KIF13A: variants seen among roughly 807,000 people sequenced by gnomAD.
The protein encoded by KIF13A is kinesin family member 13A.
Under a neutral mutation model 212.2 loss-of-function variants are expected in KIF13A, and 79 were observed. The ratio of observed to expected loss-of-function variants is 0.37; its 90% CI spans 0.31 to 0.45. KIF13A has a LOEUF of 0.45. Ranked by LOEUF, KIF13A falls within the 20% of genes least tolerant of loss-of-function variation. The pLI, the probability that KIF13A is intolerant of heterozygous loss-of-function variation, is 1.00. For missense variants in KIF13A, 1,901 were observed against 2,209.0 expected (o/e 0.86, Z 2.79); for synonymous variants, 789 against 808.6 (o/e 0.98, Z 0.41).
In KIF13A at chr6:17,861,230, C is replaced by A. The variant is rs564428705; in HGVS notation, c.221-5108G>T. ...ATTTTTCATTCTCCATGTATTTTTA[C>A]AAATTTACACAAGATTGGAGTCTAG... is the stretch of plus-strand genomic sequence containing the variant. On this transcript the variant is annotated intron_variant, in intron 4 of 38. Transcript: ENST00000259711. Among the ~76,000 whole-genome samples, 355 of 152,164 alleles carry A rather than the reference C, an allele frequency of 2.3e-3. 4 individuals are homozygous for A. The highest frequency in any genetic ancestry group is 7.7e-3 in the African/African-American group (321 of 41,522).
chr6:17,950,500 C>T lies in KIF13A; in HGVS notation c.146+36554G>A, dbSNP rs973571225. 4.1e-6 allele frequency: 4 copies of T among 985,140 alleles called. No individual in the cohort carries two copies. The Admixed American group carries it at 1.8e-4, about 45-fold the overall frequency. 61.0% of individuals were successfully genotyped at this position (985,140 alleles called of 1,614,324 possible). A position where few individuals can be genotyped will look rare whatever the true frequency, so the allele number is the denominator to read the frequency against. ...ATTTACCTTCTTACACTCTTTAGGACCAACAGATAGAAGAACATGTACACA... is the reference window on the plus strand; with the variant it reads ...ATTTACCTTCTTACACTCTTTAGGATCAACAGATAGAAGAACATGTACACA... On this transcript the variant is annotated intron_variant, in intron 2 of 38. Coordinates refer to ENST00000259711, the MANE Select transcript of KIF13A (RefSeq NM_022113.6).
rs1230073093 is a variant in KIF13A, at chr6:17,883,899, G to C, written c.160-10462C>G. 1.3e-5 allele frequency among the ~76,000 whole-genome samples: 2 copies of C among 152,128 alleles called. No homozygotes were observed. Among genetic ancestry groups the C allele is most frequent in the African/African-American group, 4.8e-5 (2 of 41,426 alleles). On this transcript the variant is annotated intron_variant, in intron 3 of 38. Coordinates refer to ENST00000259711, the MANE Select transcript of KIF13A (RefSeq NM_022113.6). The surrounding 1 kb of genome is among the most constrained non-coding windows in gnomAD (Gnocchi z 4.8). ...ACCTGTGAATAGCCACTGCACTCCA[G>C]CCTGGACAACCTAGTGAGATCCCAT...
At chr6:17,986,932 C>G (rs947072582) in intron 2 of KIF13A, 122 bp downstream of exon 2, 3 of 643,338 alleles carry the variant, frequency 4.7e-6, no homozygotes, top group Non-Finnish European at 8.4e-6. Flanking sequence ...AAACAGGAGC[C>G]GGCGACAAAC....
intron 9 of KIF13A, among the ~76,000 whole-genome samples, chr6:17,842,898 C>T (rs1391171168): frequency 4.0e-5 from 6 of 151,730 alleles, no homozygotes; most frequent in African/African-American, 7.3e-5. Context: ...TAACCTGCAC[C>T]GTTTCCCCTG....
chr6:17,921,259 C>G (rs1054578354), intron 2 of KIF13A, among the ~76,000 whole-genome samples: 1 of 152,200 alleles, frequency 6.6e-6, no homozygotes, highest in Admixed American at 6.5e-5. Flanking sequence ...AGTAAATAAA[C>G]TGATTTAACT....
At position 17,952,920 on chromosome 6, in the gene KIF13A, A is replaced by T. The variant is rs1172470845; in HGVS notation, c.146+34134T>A. Among the ~76,000 whole-genome samples the T allele has an allele frequency of 9.5e-5, 9 of 94,360 alleles. No homozygotes were observed. The East Asian group carries it at 2.7e-3, about 28-fold the overall frequency. 61.9% of individuals were successfully genotyped at this position (94,360 alleles called of 152,430 possible). ...ACTCCAGCCTGGGCGACAGAGCAAG[A>T]CTGTCTCCAAAAAAAAAAAAAGAGA... On this transcript the variant is annotated intron_variant, in intron 2 of 38. Transcript: ENST00000259711.
intron 2 of KIF13A, among the ~76,000 whole-genome samples, chr6:17,907,315 C>T (rs767389555): frequency 4.6e-5 from 7 of 152,200 alleles, no homozygotes; most frequent in African/African-American, 1.4e-4. Flanking sequence ...GCACACTGTA[C>T]ACTTAACTGC....
At chr6:17,760,967 T>C (rs1581830447), downstream of KIF13A, 2 of 1,336,248 alleles carry the variant, frequency 1.5e-6, no homozygotes, top group Non-Finnish European at 2.1e-6. Context: ...TCCACACCCA[T>C]CACAAGAAAG....
At chr6:17,797,335 C>T (rs1309315607) in intron 22 of KIF13A, among the ~76,000 whole-genome samples, 8 of 152,072 alleles carry the variant, frequency 5.3e-5, no homozygotes, top group African/African-American at 9.7e-5. Context: ...GGCCTCAACC[C>T]GTTTCTTATA....
intron 31 of KIF13A, among the ~76,000 whole-genome samples, chr6:17,779,953 A>C (rs1339529669): frequency 1.3e-5 from 2 of 150,292 alleles, no homozygotes; most frequent in East Asian, 2.0e-4. Context: ...TCACCGTGTT[A>C]GCCAGGATGG....
intron 9 of KIF13A, among the ~76,000 whole-genome samples, chr6:17,845,374 A>C (rs996271253): frequency 3.3e-5 from 5 of 152,250 alleles, no homozygotes; most frequent in Admixed American, 2.6e-4. Flanking sequence ...CTATTATAAC[A>C]AATTATACTG....
At chr6:17,911,118 A>C (rs1157108933) in intron 2 of KIF13A, among the ~76,000 whole-genome samples, 2 of 152,204 alleles carry the variant, frequency 1.3e-5, no homozygotes, top group African/African-American at 4.8e-5. Flanking sequence ...TGATCCCAAA[A>C]ACTCTTTTAG....
chr6:17,804,840 A>AAAAAAAAAAAAAAAAAAAAAT (rs1762802153), intron 19 of KIF13A, among the ~76,000 whole-genome samples: 1 of 143,100 alleles, frequency 7.0e-6, no homozygotes, highest in African/African-American at 2.8e-5. Context: ...AAAAAAAAAA[A>AAAAAAAAAAAAAAAAAAAAAT]AAAAAGAATT....
intron 3 of KIF13A, among the ~76,000 whole-genome samples, chr6:17,891,168 A>G (rs567820162): frequency 2.6e-5 from 4 of 152,332 alleles, no homozygotes; most frequent in Non-Finnish European, 5.9e-5. Context: ...GAAACAAAAC[A>G]CACTTCCATA....
In KIF13A at chr6:17,936,543, T is replaced by C. The variant is rs377483221; in HGVS notation, c.147-38363A>G. ...TGTATGTTTCACAGTCCCAAGCAAA[T>C]GTTTAAGAAGAAAATGGAGGCAGAG... On this transcript the variant is annotated intron_variant, in intron 2 of 38. Coordinates refer to ENST00000259711, the MANE Select transcript of KIF13A (RefSeq NM_022113.6). Among the ~76,000 whole-genome samples the C allele has an allele frequency of 5.1e-4, 77 of 152,228 alleles. 1 individual carries two copies. In the South Asian group the frequency reaches 0.015, roughly 30 times the overall value.
intron 13 of KIF13A, among the ~76,000 whole-genome samples, chr6:17,830,447 G>A (rs1020867915): frequency 6.9e-6 from 1 of 145,458 alleles, no homozygotes; most frequent in Non-Finnish European, 1.5e-5. Flanking sequence ...AAGTTCTTTG[G>A]AGTCCTTGAT....
At chr6:17,983,496 T>C (rs865960958) in intron 2 of KIF13A, among the ~76,000 whole-genome samples, 44 of 103,406 alleles carry the variant, frequency 4.3e-4, no homozygotes, top group African/African-American at 1.8e-3. Flanking sequence ...TGCTGCTGCT[T>C]TTTTTTTTTT....
At chr6:17,969,680 G>T (rs572885981) in intron 2 of KIF13A, among the ~76,000 whole-genome samples, 28 of 152,192 alleles carry the variant, frequency 1.8e-4, no homozygotes, top group Admixed American at 1.8e-3. Context: ...ATTCAGAATA[G>T]AGAAATATTT....
In KIF13A at chr6:17,915,575, C is replaced by A. The variant is rs563232270; in HGVS notation, c.147-17395G>T. 6.6e-6 allele frequency among the ~76,000 whole-genome samples: 1 copy of A among 152,154 alleles called. No homozygotes were observed. The highest frequency in any genetic ancestry group is 1.5e-5 in the Non-Finnish European group (1 of 68,032). On this transcript the variant is annotated intron_variant, in intron 2 of 38. Transcript: ENST00000259711. This position sits in a 1 kb window ranked among gnomAD's most constrained non-coding sequence, Gnocchi z 4.4. ...CCTTGAGGACTCTGGGAGCAAGAGACCCCCTGACTCAGCAGCCTACTGATT... is the reference window on the plus strand; with the variant it reads ...CCTTGAGGACTCTGGGAGCAAGAGAACCCCTGACTCAGCAGCCTACTGATT...
Sources: gnomAD v4.1 joint callset for allele counts (sites outside exome capture counted in the v4.1 genomes callset) on GRCh38, gnomAD v4.1.1 for gene constraint, Gnocchi (gnomAD v3.1) non-coding constraint, MANE v1.5 for transcripts, NCBI Gene and HGNC (gene_info 2026-07-23, HGNC 2026-07-21) for gene names.